BMPR1B: variants seen among roughly 807,000 people sequenced by gnomAD.
BMPR1B encodes bone morphogenetic protein receptor type-1B.
BMPR1B carries 12 observed loss-of-function variants against 59.1 expected under a neutral mutation model. The observed-to-expected ratio is 0.20, with a 90% confidence interval of 0.13 to 0.33. The LOEUF (loss-of-function observed/expected upper bound fraction) is 0.33, where lower values mean the gene tolerates loss of function less well. Among genes scored for constraint, BMPR1B ranks in the 10% least tolerant of loss-of-function variants. BMPR1B has a pLI of 1.00. For synonymous variants in BMPR1B, 237 were observed against 207.3 expected, an observed-to-expected ratio of 1.14 and a Z score of -1.23; for missense variants, 550 against 610.9, an observed-to-expected ratio of 0.90 and a Z score of 1.05.
intron 1 of BMPR1B, among the ~76,000 whole-genome samples, chr4:94,847,068 C>T (rs1221322156): frequency 6.6e-6 from 1 of 151,986 alleles, no homozygotes; most frequent in Non-Finnish European, 1.5e-5. Context: ...AATAAATAAC[C>T]AGAAAATATA....
intron 10 of BMPR1B, among the ~76,000 whole-genome samples, chr4:95,147,917 G>A (rs1734760144): frequency 6.6e-6 from 1 of 152,308 alleles, no homozygotes; most frequent in African/African-American, 2.4e-5. Context: ...CCAAGTGCCA[G>A]TGTGCAGGTT....
intron 1 of BMPR1B, among the ~76,000 whole-genome samples, chr4:94,772,989 ATCT>A (rs1267427075): frequency 3.3e-5 from 5 of 152,094 alleles, no homozygotes; most frequent in Non-Finnish European, 5.9e-5. Flanking sequence ...TATAATTCAA[ATCT>A]TCTTTGTGTT....
intron 1 of BMPR1B, among the ~76,000 whole-genome samples, chr4:94,829,715 A>G (rs17428494): frequency 0.12 from 18,484 of 152,230 alleles, 1,167 homozygotes; most frequent in Non-Finnish European, 0.13. Flanking sequence ...AGCCTTTCCT[A>G]AAGAATGAAG....
At chr4:94,923,250 A>AAAG (rs1728771097) in intron 2 of BMPR1B, among the ~76,000 whole-genome samples, 1 of 152,118 alleles carries the variant, frequency 6.6e-6, no homozygotes. Context: ...TACCTCCTTT[A>AAAG]GAGGTAGCAT....
chr4:94,860,765 A>G (rs1009035333), intron 1 of BMPR1B, among the ~76,000 whole-genome samples: 1 of 152,300 alleles, frequency 6.6e-6, no homozygotes, highest in African/African-American at 2.4e-5. Context: ...TTATGTAGAC[A>G]TTTCTGGTGC....
At chr4:95,070,560 T>C (rs1014157622) in intron 3 of BMPR1B, among the ~76,000 whole-genome samples, 1 of 152,202 alleles carries the variant, frequency 6.6e-6, no homozygotes, top group Non-Finnish European at 1.5e-5. Context: ...ACTAAGATGC[T>C]TGGTAGTCAG....
At chr4:95,058,539 T>C (rs960855414) in intron 3 of BMPR1B, among the ~76,000 whole-genome samples, 1 of 152,152 alleles carries the variant, frequency 6.6e-6, no homozygotes, top group African/African-American at 2.4e-5. Flanking sequence ...CAGCCAGGTG[T>C]GAGTCAATTT....
At chr4:95,085,616 G>A (rs1430409445) in intron 3 of BMPR1B, among the ~76,000 whole-genome samples, 2 of 152,134 alleles carry the variant, frequency 1.3e-5, no homozygotes, top group Non-Finnish European at 2.9e-5. Context: ...AGTAATGAAG[G>A]TCTCTGGGTT....
intron 3 of BMPR1B, among the ~76,000 whole-genome samples, chr4:95,081,620 AC>A (rs1157260251): frequency 5.9e-5 from 9 of 152,308 alleles, no homozygotes; most frequent in Admixed American, 5.9e-4. Context: ...AGTTTAAAAT[AC>A]AAGATGGACA....
intron 2 of BMPR1B, among the ~76,000 whole-genome samples, chr4:94,920,575 A>C (rs1728652009): frequency 6.6e-6 from 1 of 152,202 alleles, no homozygotes; most frequent in Non-Finnish European, 1.5e-5. Context: ...TGACTGGGGA[A>C]GCCCCATGTT....
At chr4:94,941,209 C>G (rs565907301) in intron 2 of BMPR1B, among the ~76,000 whole-genome samples, 1 of 152,196 alleles carries the variant, frequency 6.6e-6, no homozygotes, top group East Asian at 1.9e-4. Flanking sequence ...GCAGGCAGAT[C>G]ACTTGAGTTC....
rs1721594302 is a variant in BMPR1B, at chr4:94,758,081, C to G, written c.-183+13C>G. The G allele has an allele frequency of 6.7e-6, 1 of 148,236 alleles. No individual in the cohort carries two copies. The highest frequency in any genetic ancestry group is 1.5e-5 in the Non-Finnish European group (1 of 66,246). The allele number at this position is 148,236 out of a possible 1,614,324, so 9.2% of individuals were successfully genotyped here. On this transcript the variant is annotated intron_variant, in intron 1 of 12. Transcript: ENST00000515059. ...AGCGCAGCCGCGGGTAAGGCGCGCG[C>G]GGCGGGGCCCCGTCCCCTGCGGGTG... is the stretch of plus-strand genomic sequence containing the variant.
chr4:94,841,317 T>G (rs566667345), intron 1 of BMPR1B, among the ~76,000 whole-genome samples: 4 of 148,478 alleles, frequency 2.7e-5, no homozygotes, highest in South Asian at 2.2e-4. Context: ...GCTGCTTTGT[T>G]TACCTAAGCA....
chr4:94,871,420 C>G (rs962136226), intron 1 of BMPR1B, among the ~76,000 whole-genome samples: 1 of 152,058 alleles, frequency 6.6e-6, no homozygotes, highest in Admixed American at 6.6e-5. Context: ...GTATTTTACA[C>G]CTTCAAGATT....
intron 1 of BMPR1B, among the ~76,000 whole-genome samples, chr4:94,870,247 C>T (rs1726428399): frequency 6.6e-6 from 1 of 152,140 alleles, no homozygotes; most frequent in Non-Finnish European, 1.5e-5. Flanking sequence ...ACTTGGAATG[C>T]ACTCTTGAAG....
intron 3 of BMPR1B, among the ~76,000 whole-genome samples, chr4:95,038,772 G>C (rs1725444258): frequency 6.6e-6 from 1 of 152,180 alleles, no homozygotes; most frequent in African/African-American, 2.4e-5. Flanking sequence ...ATGAGATGTA[G>C]TGAGGACTCT....
intron 1 of BMPR1B, among the ~76,000 whole-genome samples, chr4:94,777,266 T>A (rs1313065323): frequency 1.3e-5 from 2 of 152,074 alleles, no homozygotes; most frequent in Non-Finnish European, 2.9e-5. Context: ...CCATGAAATC[T>A]CCATAAGCCT....
rs565852122 is a variant in BMPR1B at position 94,823,350 on chromosome 4, T to C, written c.-182-52481T>C. Among the ~76,000 whole-genome samples, 3 of 152,308 alleles carry C rather than the reference T, an allele frequency of 2.0e-5. No homozygotes were observed. The East Asian group carries it at 5.8e-4, about 29-fold the overall frequency. ...AGAACGGATGTGGTAGAAAGTTAGC[T>C]TGGTTCACTACCATGCTTCTCTCCT... On this transcript the variant is annotated intron_variant, in intron 1 of 12. Coordinates refer to ENST00000515059, the MANE Select transcript of BMPR1B (RefSeq NM_001203.3).
At chr4:94,973,934 A>G (rs1274567437) in intron 2 of BMPR1B, among the ~76,000 whole-genome samples, 1 of 152,228 alleles carries the variant, frequency 6.6e-6, no homozygotes. Context: ...ATTACTAAGA[A>G]AAAAGTGGTT....
Sources: allele counts gnomAD v4.1 joint callset (sites outside exome capture counted in the v4.1 genomes callset), GRCh38; gene constraint gnomAD v4.1.1; transcripts MANE v1.5; gene names NCBI Gene and HGNC (gene_info 2026-07-23, HGNC 2026-07-21).